Variants in NRXN1 observed in about 807,000 individuals in gnomAD.
NRXN1 encodes the protein neurexin 1.
Under a neutral mutation model 150.9 loss-of-function variants are expected in NRXN1, and 39 were observed. That is an observed-to-expected ratio of 0.26 (90% CI 0.20 to 0.34). NRXN1 has a LOEUF of 0.34. Among genes scored for constraint, NRXN1 ranks in the 10% least tolerant of loss-of-function variants. NRXN1 has a pLI of 1.00. For missense variants in NRXN1, 1,815 were observed against 1,949.9 expected (o/e 0.93, Z 1.30); for synonymous variants, 924 against 757.0 (o/e 1.22, Z -3.62).
chr2:50,644,885 T>TATAAGGATATATAAATAAAAAATATA (rs1684598894), intron 5 of NRXN1, among the ~76,000 whole-genome samples: 2 of 150,748 alleles, frequency 1.3e-5, no homozygotes, highest in African/African-American at 4.9e-5. Context: ...TGTATTTATA[T>TATAAGGATATATAAATAAAAAATATA]TTCTTTTTCA....
intron 5 of NRXN1, among the ~76,000 whole-genome samples, chr2:50,767,727 G>T (rs1003890248): frequency 2.0e-5 from 3 of 152,000 alleles, no homozygotes; most frequent in Non-Finnish European, 2.9e-5. Context: ...CACATGTTGA[G>T]TTTGTTCAAA....
Position 50,568,677 on chromosome 2 carries a change from T to C in NRXN1, c.1321-15652A>G, listed in dbSNP as rs932812643. Among the ~76,000 whole-genome samples the C allele has an allele frequency of 1.1e-4, 16 of 152,264 alleles. No individual in the cohort carries two copies. In the South Asian group the frequency reaches 2.1e-3, roughly 20 times the overall value. On this transcript the variant is annotated intron_variant, in intron 8 of 22. Transcript: ENST00000401669. Reference sequence around the variant, plus strand: ...GAGAATGTGGTGAAAAGGGAAACCCTTGTACACTGTTTGTGGGAATGTAAA... The same window carrying C: ...GAGAATGTGGTGAAAAGGGAAACCCCTGTACACTGTTTGTGGGAATGTAAA...
intron 18 of NRXN1, among the ~76,000 whole-genome samples, chr2:50,184,955 C>G (rs1010267306): frequency 2.0e-5 from 3 of 152,182 alleles, no homozygotes; most frequent in South Asian, 4.1e-4. Context: ...CAAAAGCCTT[C>G]CTCTTTAGCG....
At chr2:50,738,236 T>C (rs541780668) in intron 5 of NRXN1, among the ~76,000 whole-genome samples, 1 of 152,342 alleles carries the variant, frequency 6.6e-6, no homozygotes, top group Non-Finnish European at 1.5e-5. Context: ...AGTGATACAC[T>C]GGGCAAATTT....
intron 17 of NRXN1, among the ~76,000 whole-genome samples, chr2:50,440,846 G>A (rs891700909): frequency 6.6e-6 from 1 of 152,030 alleles, no homozygotes; most frequent in African/African-American, 2.4e-5. Flanking sequence ...TTTTCTATCT[G>A]ATCAAATGAA....
chr2:50,028,145 A>G (rs1337086118), intron 21 of NRXN1, among the ~76,000 whole-genome samples: 7 of 152,184 alleles, frequency 4.6e-5, no homozygotes, highest in Non-Finnish European at 7.3e-5. Flanking sequence ...TGCCCTAGCC[A>G]TAACTGTAAG....
At chr2:50,928,934 T>G (rs753035961) in intron 2 of NRXN1, among the ~76,000 whole-genome samples, 3 of 152,066 alleles carry the variant, frequency 2.0e-5, no homozygotes, top group Non-Finnish European at 4.4e-5. Flanking sequence ...TTTCTTTTCA[T>G]TGGAAAAATA....
intron 18 of NRXN1, among the ~76,000 whole-genome samples, chr2:50,109,380 A>T (rs1702077819): frequency 6.6e-6 from 1 of 152,080 alleles, no homozygotes; most frequent in African/African-American, 2.4e-5. Context: ...ATATTGCAAT[A>T]TATTTTAATT....
At chr2:50,158,097 G>A (rs1442535975) in intron 18 of NRXN1, among the ~76,000 whole-genome samples, 1 of 149,394 alleles carries the variant, frequency 6.7e-6, no homozygotes, top group African/African-American at 2.5e-5. Flanking sequence ...GTGTGTGTGT[G>A]TGTGTGTGTG....
rs968639553 is a variant in NRXN1 at position 50,064,090 on chromosome 2, C to T, written c.3719-9046G>A. 6.6e-5 allele frequency among the ~76,000 whole-genome samples: 10 copies of T among 151,982 alleles called. No individual in the cohort carries two copies. The South Asian group carries it at 8.3e-4, about 13-fold the overall frequency. ...AACGTTATAGTAAATTTTGCTTGGACGTCAGATTTCCTTTTTTCTTCTTGA... is the reference window on the plus strand; with the variant it reads ...AACGTTATAGTAAATTTTGCTTGGATGTCAGATTTCCTTTTTTCTTCTTGA... On this transcript the variant is annotated intron_variant, in intron 19 of 22. Coordinates refer to ENST00000401669, the MANE Select transcript of NRXN1 (RefSeq NM_001330078.2).
At chr2:50,486,264 G>A (rs1009353771) in intron 15 of NRXN1, among the ~76,000 whole-genome samples, 2 of 152,056 alleles carry the variant, frequency 1.3e-5, no homozygotes, top group South Asian at 2.1e-4. Flanking sequence ...TGATAATAAC[G>A]AGGATGATGG....
At chr2:50,466,086 T>C (rs944518106) in intron 16 of NRXN1, among the ~76,000 whole-genome samples, 15 of 32,832 alleles carry the variant, frequency 4.6e-4, no homozygotes, top group Non-Finnish European at 1.3e-3. Flanking sequence ...TCAATTCACA[T>C]GCTTTTAACA....
At position 51,028,119 on chromosome 2, in the gene NRXN1, C is replaced by G. The variant is rs201059384; in HGVS notation, c.155G>C (p.Ser52Thr). ...AGTCTTGAGCTGGAAGCTCATCTCG[C>G]TCTCGCAGCAGGCGTTCCACTTGGG... ...RFPKWNACCESEMSFQLKTRS... is the reference protein window; with the variant it reads ...RFPKWNACCETEMSFQLKTRS... Residue 52 changes from serine to threonine, a missense_variant, in exon 2 of 23, where the codon AGC becomes ACC. By Grantham distance (58) the Ser-to-Thr change is moderately conservative. Transcript: ENST00000401669. 42 of 1,573,264 alleles carry G rather than the reference C, an allele frequency of 2.7e-5. No homozygotes were observed. In the South Asian group the frequency reaches 4.7e-4, roughly 17 times the overall value.
At chr2:49,947,730 T>C (rs1272930602) in intron 21 of NRXN1, among the ~76,000 whole-genome samples, 1 of 151,862 alleles carries the variant, frequency 6.6e-6, no homozygotes, top group Admixed American at 6.6e-5. Flanking sequence ...ATGTTAATAA[T>C]GCCAAAGTTG....
intron 21 of NRXN1, among the ~76,000 whole-genome samples, chr2:50,039,336 C>T (rs913090881): frequency 1.3e-5 from 2 of 152,004 alleles, no homozygotes; most frequent in Non-Finnish European, 2.9e-5. Flanking sequence ...CATGGTGGTG[C>T]ACGCCTATGG....
chr2:50,603,600 T>C (rs1676622533), intron 8 of NRXN1, among the ~76,000 whole-genome samples: 1 of 152,184 alleles, frequency 6.6e-6, no homozygotes, highest in Non-Finnish European at 1.5e-5. Flanking sequence ...CTTTTTGGAA[T>C]AACTAAGGTC....
intron 21 of NRXN1, among the ~76,000 whole-genome samples, chr2:49,952,247 T>C (rs1674099816): frequency 6.6e-6 from 1 of 152,042 alleles, no homozygotes; most frequent in Non-Finnish European, 1.5e-5. Flanking sequence ...CGAAGATACA[T>C]GATAAGATAA....
chr2:50,106,728 C>G (rs1701696284), intron 18 of NRXN1, among the ~76,000 whole-genome samples: 1 of 151,612 alleles, frequency 6.6e-6, no homozygotes, highest in Non-Finnish European at 1.5e-5. Context: ...TTTGTGATCA[C>G]AAGTTATTTT....
chr2:50,074,760 C>T (rs1001299983), intron 19 of NRXN1, among the ~76,000 whole-genome samples: 25 of 152,142 alleles, frequency 1.6e-4, no homozygotes, highest in African/African-American at 6.0e-4. Flanking sequence ...TCTTATAAAA[C>T]TACTCTTGTT....
Sources: gnomAD v4.1 joint callset for allele counts (sites outside exome capture counted in the v4.1 genomes callset) on GRCh38, gnomAD v4.1.1 for gene constraint, MANE v1.5 for transcripts, NCBI Gene and HGNC (gene_info 2026-07-23, HGNC 2026-07-21) for gene names.